The following ARHGEF7 variants were observed in gnomAD, a reference collection of about 807,000 sequenced individuals.
ARHGEF7 encodes PAK-interacting exchange factor beta.
A neutral mutation model predicts 109.8 loss-of-function variants in ARHGEF7; 33 were observed. The ratio of observed to expected loss-of-function variants is 0.30; its 90% confidence interval spans 0.23 to 0.40. ARHGEF7 has a LOEUF of 0.40. Among genes scored for constraint, ARHGEF7 ranks in the 10% least tolerant of loss-of-function variants. The pLI, the probability that ARHGEF7 is intolerant of heterozygous loss-of-function variation, is 1.00. For missense variants in ARHGEF7, 938 were observed against 1,098.5 expected (o/e 0.85, Z 2.07); for synonymous variants, 458 against 424.6 (o/e 1.08, Z -0.97).
rs568808757 is a variant in ARHGEF7, at chr13:111,153,870, G to A, written c.166-35G>A. 2.7e-5 allele frequency: 43 copies of A among 1,579,910 alleles called. No individual in the cohort carries two copies. In the South Asian group the frequency reaches 4.3e-4, roughly 16 times the overall value. ...CTTGTCCGCGGCGTCCCCGCTGCCGGCCACGGCGCTCAGCGCTTGTGCTCT... is the reference window on the plus strand; with the variant it reads ...CTTGTCCGCGGCGTCCCCGCTGCCGACCACGGCGCTCAGCGCTTGTGCTCT... On this transcript the variant is annotated intron_variant, in intron 1 of 21. Transcript: ENST00000646102.
At chr13:111,199,377 C>G (rs2080948807) in intron 2 of ARHGEF7, among the ~76,000 whole-genome samples, 2 of 152,194 alleles carry the variant, frequency 1.3e-5, no homozygotes, top group Non-Finnish European at 2.9e-5. Flanking sequence ...TAGAATAATA[C>G]TCTTTTTGAT....
chr13:111,294,851 A>G (rs2093390138), intron 19 of ARHGEF7: 3 of 985,758 alleles, frequency 3.0e-6, no homozygotes, highest in Non-Finnish European at 3.6e-6. Flanking sequence ...GCCTTTGCAA[A>G]TGGCCTAAAT....
intron 2 of ARHGEF7, among the ~76,000 whole-genome samples, chr13:111,198,759 A>C (rs1291581579): frequency 6.6e-6 from 1 of 152,138 alleles, no homozygotes; most frequent in Non-Finnish European, 1.5e-5. Flanking sequence ...AGGGGACCTG[A>C]GTGGGTTGCT....
chr13:111,260,790 C>T (rs2091004816), intron 8 of ARHGEF7, among the ~76,000 whole-genome samples: 1 of 152,094 alleles, frequency 6.6e-6, no homozygotes, highest in Non-Finnish European at 1.5e-5. Flanking sequence ...TACAAGTTTT[C>T]AAGACAGTAC....
chr13:111,267,622 C>T lies in ARHGEF7; in HGVS notation c.1025C>T (p.Thr342Met), dbSNP rs1322780970. ...LMPQMKTLYL[T>M]YCANHPSAVN... ...CCACAGATGAAAACCCTGTACCTCA[C>T]GTATTGTGCCAATCACCCTTCTGCA... The change falls in exon 9 of 22, where the codon ACG (threonine) becomes ATG (methionine). Residue 342 changes from threonine (T) to methionine (M), a missense_variant. By Grantham distance (81) the Thr-to-Met change is moderately conservative. Transcript: ENST00000646102. 7.4e-6 allele frequency: 12 copies of T among 1,613,982 alleles called. No homozygotes were observed. In the Admixed American group the frequency reaches 1.2e-4, roughly 16 times the overall value.
chr13:111,116,548 G>C (rs1454835271), intron 1 of ARHGEF7: 1 of 149,338 alleles, frequency 6.7e-6, no homozygotes, highest in Non-Finnish European at 1.5e-5. Context: ...TTATTCCCAG[G>C]GTGTTTCTTC....
chr13:111,241,181 A>T (rs1399556884), intron 6 of ARHGEF7: 1 of 1,535,880 alleles, frequency 6.5e-7, no homozygotes, highest in African/African-American at 1.4e-5. Context: ...TTTCTTCAGC[A>T]CTGTGGGTCG....
intron 1 of ARHGEF7, among the ~76,000 whole-genome samples, chr13:111,148,053 A>T (rs1383318279): frequency 6.6e-6 from 1 of 152,176 alleles, no homozygotes; most frequent in African/African-American, 2.4e-5. Flanking sequence ...TGCAGAATTT[A>T]GGTTTCCCTC....
intron 10 of ARHGEF7, 110 bp downstream of exon 10, chr13:111,274,062 AAC>A: frequency 1.5e-6 from 2 of 1,307,610 alleles, no homozygotes; most frequent in Non-Finnish European, 2.1e-6. Context: ...AGCCAGAACC[AAC>A]AGAGTTTACA....
chr13:111,219,762 T>C (rs961464568), intron 5 of ARHGEF7, among the ~76,000 whole-genome samples: 2 of 152,204 alleles, frequency 1.3e-5, no homozygotes, highest in Non-Finnish European at 2.9e-5. Flanking sequence ...TAAATCGACT[T>C]GGGCAGAATT....
intron 1 of ARHGEF7, among the ~76,000 whole-genome samples, chr13:111,147,388 TG>T (rs1166060765): frequency 2.6e-5 from 4 of 152,246 alleles, no homozygotes; most frequent in African/African-American, 9.6e-5. Context: ...TCCATTCTGG[TG>T]GGGTGCAGTG....
intron 20 of ARHGEF7, 71 bp from the exon 21 acceptor site, chr13:111,301,407 C>T (rs767270091): frequency 4.6e-6 from 6 of 1,308,182 alleles, no homozygotes; most frequent in South Asian, 1.2e-5. Context: ...GTAGTGTCTC[C>T]TGGTAAGTTT....
intron 2 of ARHGEF7, among the ~76,000 whole-genome samples, chr13:111,191,791 C>T (rs1328937223): frequency 3.3e-5 from 5 of 152,006 alleles, no homozygotes; most frequent in Non-Finnish European, 4.4e-5. Context: ...CTCTGGAAGA[C>T]GAGATCATTT....
Position 111,280,657 on chromosome 13 carries a change from C to T in ARHGEF7, c.1705C>T (p.His569Tyr). Residue 569 changes from histidine (H) to tyrosine (Y), a missense_variant, in exon 15 of 22, where the codon CAT becomes TAT. Around this residue, in one of 4 missense-constraint regions of ARHGEF7, gnomAD observed 585 missense variants for 723.6 expected, o/e 0.81. Transcript: ENST00000646102. ...TGTGGGAAACCCCACCATAAAGCCT[C>T]ATTCAGTGCCATCTCATACCGTAAG... is the stretch of plus-strand genomic sequence containing the variant. ...TSVGNPTIKP[H>Y]SVPSHTLPSH... 1 of 1,601,974 alleles carries T rather than the reference C, an allele frequency of 6.2e-7. No homozygotes were observed. The highest frequency in any genetic ancestry group is 1.1e-5 in the South Asian group (1 of 88,726).
chr13:111,254,513 G>A (rs2090196944), intron 8 of ARHGEF7, among the ~76,000 whole-genome samples: 1 of 144,692 alleles, frequency 6.9e-6, no homozygotes, highest in Non-Finnish European at 1.5e-5. Flanking sequence ...AAGGCGCTGA[G>A]TCGCTAACAT....
chr13:111,305,620 C>T lies in ARHGEF7; in HGVS notation c.*2507C>T, dbSNP rs569911980. 2.6e-5 allele frequency: 4 copies of T among 152,358 alleles called. No individual in the cohort carries two copies. The highest frequency in any genetic ancestry group is 9.6e-5 in the African/African-American group (4 of 41,584). The allele number at this position is 152,358 out of a possible 1,614,324, so 9.4% of individuals were successfully genotyped here. ...CTGGGACACCCAGGGCGCCTGTTGACAAGTGTGGAGAAACTCCTAATTTAA... is the reference window on the plus strand; with the variant it reads ...CTGGGACACCCAGGGCGCCTGTTGATAAGTGTGGAGAAACTCCTAATTTAA... On this transcript the variant is annotated 3_prime_UTR_variant, in exon 22 of 22. Transcript: ENST00000646102.
At chr13:111,218,798 G>T (rs1406138120) in intron 5 of ARHGEF7, among the ~76,000 whole-genome samples, 2 of 152,198 alleles carry the variant, frequency 1.3e-5, no homozygotes, top group East Asian at 3.9e-4. Flanking sequence ...GTCTGGCAGA[G>T]TAGGAGCTCA....
At chr13:111,162,267 C>A (rs1594135948) in intron 2 of ARHGEF7, among the ~76,000 whole-genome samples, 1 of 152,180 alleles carries the variant, frequency 6.6e-6, no homozygotes, top group Non-Finnish European at 1.5e-5. Context: ...ATATCTTCCA[C>A]AGTGCTTTAT....
At chr13:111,269,625 C>T (rs576239446) in intron 9 of ARHGEF7, among the ~76,000 whole-genome samples, 145 of 152,222 alleles carry the variant, frequency 9.5e-4, no homozygotes, top group African/African-American at 3.4e-3. Context: ...GAGGCCCGCT[C>T]GGGACAGCAG....
Sources: gnomAD v4.1 joint callset for allele counts (sites outside exome capture counted in the v4.1 genomes callset) on GRCh38, gnomAD v4.1.1 for gene constraint, gnomAD v4.1.1 regional missense constraint, MANE v1.5 for transcripts, NCBI Gene and HGNC (gene_info 2026-07-23, HGNC 2026-07-21) for gene names.